The following C12orf54 variants were observed in gnomAD, a reference collection of about 807,000 sequenced individuals.
C12orf54 encodes chromosome 12 open reading frame 54.
In C12orf54, 24 loss-of-function variants were observed where a neutral mutation model predicts 26.4. That is an observed-to-expected ratio of 0.91 (90% CI 0.66 to 1.28). The LOEUF (loss-of-function observed/expected upper bound fraction) is 1.28. Among genes scored for constraint, C12orf54 ranks in the 50% most tolerant of loss-of-function variants. The pLI is 0.00. For synonymous variants in C12orf54, 54 were observed against 47.0 expected, an observed-to-expected ratio of 1.15 and a Z score of -0.61; for missense variants, 154 against 150.9, an observed-to-expected ratio of 1.02 and a Z score of -0.11.
chr12:48,488,549 A>G, intron 4 of C12orf54: 1 of 392,406 alleles, frequency 2.5e-6, no homozygotes, highest in Non-Finnish European at 4.7e-6. Flanking sequence ...ATATGATTTT[A>G]CACACCCTCC....
chr12:48,416,953 T>A, the C12orf54 span, among the ~76,000 whole-genome samples: 3 of 152,138 alleles, frequency 2.0e-5, no homozygotes, highest in Non-Finnish European at 2.9e-5. Flanking sequence ...AAGGATGAGT[T>A]TGGTATGATC....
chr12:48,470,374 G>C, the C12orf54 span, among the ~76,000 whole-genome samples: 1 of 152,020 alleles, frequency 6.6e-6, no homozygotes, highest in Non-Finnish European at 1.5e-5. Flanking sequence ...TTTACTTTTT[G>C]GTAATAGCCA....
At chr12:48,425,578 T>C in the C12orf54 span, among the ~76,000 whole-genome samples, 1 of 152,172 alleles carries the variant, frequency 6.6e-6, no homozygotes, top group African/African-American at 2.4e-5. Context: ...TTTCTATTCC[T>C]CTGGGTATAT....
intron 4 of C12orf54, 131 bp from the exon 5 acceptor site, chr12:48,488,793 A>T (rs777398234): frequency 5.4e-6 from 4 of 745,642 alleles, no homozygotes; most frequent in Non-Finnish European, 9.1e-6. Context: ...ACAAAGCCAC[A>T]GTCTCTTGGC....
At chr12:48,425,687 C>T in the C12orf54 span, among the ~76,000 whole-genome samples, 1 of 152,140 alleles carries the variant, frequency 6.6e-6, no homozygotes. Context: ...ACTTACACTC[C>T]TACCAGCAGT....
At chr12:48,467,977 C>T in the C12orf54 span, among the ~76,000 whole-genome samples, 2,526 of 152,120 alleles carry the variant, frequency 0.017, 196 homozygotes, top group East Asian at 0.25. Flanking sequence ...TTCCCACCCA[C>T]GGGAAATGTC....
At chr12:48,423,214 T>C in the C12orf54 span, among the ~76,000 whole-genome samples, 2 of 152,206 alleles carry the variant, frequency 1.3e-5, no homozygotes, top group South Asian at 4.1e-4. Context: ...GAAGAACTTC[T>C]CAGCCAAGAT....
At chr12:48,486,569 T>C in intron 3 of C12orf54, 119 bp from the exon 4 acceptor site, 1 of 1,054,162 alleles carries the variant, frequency 9.5e-7, no homozygotes, top group East Asian at 2.6e-5. Flanking sequence ...ATGGGGTGAT[T>C]TTGGGTGTCC....
the C12orf54 span, chr12:48,442,513 G>GC: frequency 1.9e-5 from 3 of 157,322 alleles, no homozygotes; most frequent in Admixed American, 1.3e-4. Context: ...AGCCCCATGA[G>GC]CCCCCCACCA....
the C12orf54 span, among the ~76,000 whole-genome samples, chr12:48,418,338 G>A: frequency 1.3e-5 from 2 of 152,188 alleles, no homozygotes; most frequent in African/African-American, 4.8e-5. Context: ...GTGCTAGGGA[G>A]GCTAATGTTG....
At chr12:48,439,973 C>T in the C12orf54 span, among the ~76,000 whole-genome samples, 1 of 151,616 alleles carries the variant, frequency 6.6e-6, no homozygotes, top group Non-Finnish European at 1.5e-5. Flanking sequence ...GCCTGTAATC[C>T]CAGCACCTTG....
chr12:48,426,852 G>A, the C12orf54 span, among the ~76,000 whole-genome samples: 1 of 152,092 alleles, frequency 6.6e-6, no homozygotes, highest in Non-Finnish European at 1.5e-5. Context: ...TTGTGAATGG[G>A]ATTGTATGGC....
the C12orf54 span, among the ~76,000 whole-genome samples, chr12:48,449,484 G>A: frequency 6.6e-6 from 1 of 152,110 alleles, no homozygotes; most frequent in African/African-American, 2.4e-5. Context: ...ATGGTTTGTA[G>A]GCCATGACTC....
At chr12:48,490,954 A>C in intron 6 of C12orf54, 118 bp downstream of exon 6, 1 of 1,257,570 alleles carries the variant, frequency 8.0e-7, no homozygotes, top group Non-Finnish European at 1.1e-6. Flanking sequence ...TGAGATATGG[A>C]GTTCATCCCA....
the C12orf54 span, among the ~76,000 whole-genome samples, chr12:48,458,251 G>A: frequency 6.6e-6 from 1 of 152,208 alleles, no homozygotes; most frequent in Non-Finnish European, 1.5e-5. Context: ...CTGCTCAGCA[G>A]CTAGTGAGGA....
chr12:48,473,486 A>C, the C12orf54 span: 1 of 434,088 alleles, frequency 2.3e-6, no homozygotes, highest in Admixed American at 3.5e-5. Context: ...CCCCCACTCC[A>C]ATCCTGCCCC....
At chr12:48,490,560 G>A (rs1283061184) in intron 5 of C12orf54, among the ~76,000 whole-genome samples, 1 of 152,160 alleles carries the variant, frequency 6.6e-6, no homozygotes, top group Non-Finnish European at 1.5e-5. Context: ...GGCTGAGGCA[G>A]GAGAATTGCT....
chr12:48,446,903 C>G, the C12orf54 span, among the ~76,000 whole-genome samples: 1 of 152,066 alleles, frequency 6.6e-6, no homozygotes, highest in Non-Finnish European at 1.5e-5. Flanking sequence ...ATAGACAAAG[C>G]AGAAGAAATT....
upstream of C12orf54, among the ~76,000 whole-genome samples, chr12:48,477,920 CAA>C (rs1294357372): frequency 6.6e-6 from 1 of 152,108 alleles, no homozygotes; most frequent in African/African-American, 2.4e-5. Flanking sequence ...ATCCTGATAC[CAA>C]AGCCTGGCAG....
Sources: allele counts gnomAD v4.1 joint callset (sites outside exome capture counted in the v4.1 genomes callset), GRCh38; gene constraint gnomAD v4.1.1; transcripts MANE v1.5; gene names NCBI Gene and HGNC (gene_info 2026-07-23, HGNC 2026-07-21).